The following RABEP1 variants were observed in gnomAD, a reference collection of about 807,000 sequenced individuals.
RABEP1 encodes rab GTPase-binding effector protein 1.
A neutral mutation model predicts 123.4 loss-of-function variants in RABEP1; 51 were observed. That is an observed-to-expected ratio of 0.41 (90% CI 0.33 to 0.52). The LOEUF (loss-of-function observed/expected upper bound fraction) is 0.52, where lower values mean the gene tolerates loss of function less well. Ranked by LOEUF, RABEP1 falls within the 20% of genes least tolerant of loss-of-function variation. The pLI, the probability that RABEP1 is intolerant of heterozygous loss-of-function variation, is 0.16. For missense variants in RABEP1, 888 were observed against 996.3 expected (o/e 0.89, Z 1.46); for synonymous variants, 347 against 355.2 (o/e 0.98, Z 0.26).
chr17:5,296,809 C>T (rs555709480), intron 1 of RABEP1, among the ~76,000 whole-genome samples: 2 of 152,282 alleles, frequency 1.3e-5, no homozygotes, highest in East Asian at 1.9e-4. Flanking sequence ...TGCAGTGGTA[C>T]AGTCATGGCT....
Position 5,378,051 on chromosome 17 carries a change from C to T in RABEP1, c.2216-126C>T, listed in dbSNP as rs190608166. On this transcript the variant is annotated intron_variant, in intron 14 of 17. Transcript: ENST00000537505. Reference sequence around the variant, plus strand: ...TGATTGCTTGGTGGTAATTTTGAGACAGCCCCCGGAACCCATGTTCAGCAT... The same window carrying T: ...TGATTGCTTGGTGGTAATTTTGAGATAGCCCCCGGAACCCATGTTCAGCAT... 1,241 of 670,950 alleles carry T rather than the reference C, an allele frequency of 1.8e-3. 12 individuals carry two copies. The highest frequency in any genetic ancestry group is 0.013 in the Middle Eastern group (31 of 2,320). 41.6% of individuals were successfully genotyped at this position (670,950 alleles called of 1,614,324 possible).
intron 15 of RABEP1, among the ~76,000 whole-genome samples, chr17:5,378,993 T>G (rs182869800): frequency 1.3e-5 from 2 of 152,326 alleles, no homozygotes; most frequent in Admixed American, 6.5e-5. Flanking sequence ...GGACTAGTCT[T>G]GCTGTCCCCA....
rs1234931953 is a variant in RABEP1 at position 5,361,445 on chromosome 17, G to A, written c.1333G>A (p.Ala445Thr). ...GTCAGATTTTGGACCACTGGTAGGA[G>A]CAGATTCAGTGTCTGAGAACTTTGA... is the stretch of plus-strand genomic sequence containing the variant. ...DESDFGPLVG[A>T]DSVSENFDTA... is the part of the protein sequence containing the mutation. The change falls in exon 9 of 18, where the codon GCA becomes ACA. Residue 445 changes from alanine (A) to threonine (T), a missense_variant. Ala to Thr is a moderately conservative substitution (Grantham distance 58, BLOSUM62 0). Coordinates refer to ENST00000537505, the MANE Select transcript of RABEP1 (RefSeq NM_004703.6). The A allele has an allele frequency of 6.2e-7, 1 of 1,614,084 alleles. No homozygotes were observed. The highest frequency in any genetic ancestry group is 8.5e-7 in the Non-Finnish European group (1 of 1,180,040).
At chr17:5,299,355 G>C (rs1201032915) in intron 1 of RABEP1, among the ~76,000 whole-genome samples, 1 of 150,586 alleles carries the variant, frequency 6.6e-6, no homozygotes, top group East Asian at 2.0e-4. Flanking sequence ...AGAGAACACA[G>C]TCTGGGTACT....
intron 12 of RABEP1, among the ~76,000 whole-genome samples, chr17:5,370,684 T>C (rs1910457938): frequency 6.6e-6 from 1 of 152,072 alleles, no homozygotes; most frequent in Non-Finnish European, 1.5e-5. Context: ...CAATGGGAGG[T>C]TCATAACATA....
chr17:5,321,445 A>G (rs1033310029), intron 2 of RABEP1, among the ~76,000 whole-genome samples: 1 of 152,162 alleles, frequency 6.6e-6, no homozygotes, highest in African/African-American at 2.4e-5. Context: ...CCTATCTCAA[A>G]CGAACAAAGC....
chr17:5,291,983 C>T (rs180747526), intron 1 of RABEP1, among the ~76,000 whole-genome samples: 8 of 152,310 alleles, frequency 5.3e-5, no homozygotes, highest in Non-Finnish European at 8.8e-5. Context: ...TGTAAATTCT[C>T]GCTATTAATA....
chr17:5,378,204 T>C lies in RABEP1; in HGVS notation c.2243T>C (p.Leu748Ser). The change falls in exon 15 of 18, where the codon TTA (leucine) becomes TCA (serine). Residue 748 changes from leucine (L) to serine (S), a missense_variant. Coordinates refer to ENST00000537505, the MANE Select transcript of RABEP1 (RefSeq NM_004703.6). ...TCTATTTCTAGCCTAAAAGCTGAAT[T>C]AGAAAGAATAAAAGTGGAAAAAGGA... ...IASISSLKAELERIKVEKGQL... is the reference protein window; with the variant it reads ...IASISSLKAESERIKVEKGQL... The C allele has an allele frequency of 6.3e-7, 1 of 1,592,756 alleles. No homozygotes were observed. Among genetic ancestry groups the C allele is most frequent in the Non-Finnish European group, 8.6e-7 (1 of 1,160,704 alleles).
chr17:5,368,239 G>A (rs1597390841), intron 11 of RABEP1, 131 bp from the exon 12 acceptor site: 1 of 654,574 alleles, frequency 1.5e-6, no homozygotes, highest in East Asian at 2.7e-5. Flanking sequence ...TGCAGCTGTT[G>A]GATGATGGTC....
chr17:5,366,177 C>A (rs572690063), intron 11 of RABEP1, among the ~76,000 whole-genome samples: 5 of 152,056 alleles, frequency 3.3e-5, no homozygotes, highest in African/African-American at 1.2e-4. Flanking sequence ...ATAGCCATTT[C>A]GGTGGATGTA....
chr17:5,294,271 C>T (rs529986139), intron 1 of RABEP1, among the ~76,000 whole-genome samples: 118 of 152,232 alleles, frequency 7.8e-4, no homozygotes, highest in African/African-American at 2.6e-3. Flanking sequence ...GTAATCCCAG[C>T]TACTCAGGAG....
At position 5,308,830 on chromosome 17, in the gene RABEP1, C is replaced by A. The variant is rs756959346; in HGVS notation, c.163+8C>A. 8.7e-6 allele frequency: 14 copies of A among 1,601,508 alleles called. No homozygotes were observed. The South Asian group carries it at 1.4e-4, about 15-fold the overall frequency. On this transcript the variant is annotated splice_region_variant and intron_variant, in intron 2 of 17. Coordinates refer to ENST00000537505, the MANE Select transcript of RABEP1 (RefSeq NM_004703.6). ...TATATTTGGCTAAAGAGGGTAAGTTCATAAGTCTCGCACCAACTTCAATGC... is the reference window on the plus strand; with the variant it reads ...TATATTTGGCTAAAGAGGGTAAGTTAATAAGTCTCGCACCAACTTCAATGC...
chr17:5,344,153 AAAT>A (rs1907864490), intron 5 of RABEP1, among the ~76,000 whole-genome samples: 1 of 152,208 alleles, frequency 6.6e-6, no homozygotes. Context: ...TTAATATCCA[AAAT>A]AATAAAATTG....
At chr17:5,375,363 T>C in intron 13 of RABEP1, among the ~76,000 whole-genome samples, 1 of 152,156 alleles carries the variant, frequency 6.6e-6, no homozygotes, top group Admixed American at 6.5e-5. Context: ...CAGAGCCTTC[T>C]TTCCTTTCTG....
chr17:5,343,192 C>T (rs961141348), intron 5 of RABEP1, among the ~76,000 whole-genome samples: 5 of 152,040 alleles, frequency 3.3e-5, no homozygotes, highest in African/African-American at 7.2e-5. Flanking sequence ...GCGGAGGTTG[C>T]GGGGAGCCAA....
intron 5 of RABEP1, among the ~76,000 whole-genome samples, chr17:5,343,565 G>A (rs866612496): frequency 1.3e-5 from 2 of 151,700 alleles, no homozygotes; most frequent in Middle Eastern, 3.4e-3. Context: ...AACCGGTAAC[G>A]AACTATCTTA....
At chr17:5,382,069 C>T (rs946700146) in intron 17 of RABEP1, among the ~76,000 whole-genome samples, 1 of 145,624 alleles carries the variant, frequency 6.9e-6, no homozygotes, top group African/African-American at 2.5e-5. Context: ...GTTTTTTTCC[C>T]AATGGAACTT....
At chr17:5,330,776 G>A (rs548584673) in intron 2 of RABEP1, among the ~76,000 whole-genome samples, 4 of 152,088 alleles carry the variant, frequency 2.6e-5, no homozygotes, top group South Asian at 2.1e-4. Context: ...TAATCCCAAC[G>A]CTTTGGGAGG....
At chr17:5,313,720 C>T (rs887668863) in intron 2 of RABEP1, among the ~76,000 whole-genome samples, 8 of 152,070 alleles carry the variant, frequency 5.3e-5, no homozygotes, top group African/African-American at 9.7e-5. Context: ...CTGTCCAGAG[C>T]GCTCAGTAAA....
Sources: gnomAD v4.1 joint callset for allele counts (sites outside exome capture counted in the v4.1 genomes callset) on GRCh38, gnomAD v4.1.1 for gene constraint, MANE v1.5 for transcripts, NCBI Gene and HGNC (gene_info 2026-07-23, HGNC 2026-07-21) for gene names.